The following PRKCZ variants were observed in gnomAD, a reference collection of about 807,000 sequenced individuals.
PRKCZ encodes the protein protein kinase C zeta, also known as protein kinase C zeta type.
In PRKCZ, 33 loss-of-function variants were observed where a neutral mutation model predicts 79.5. That is an observed-to-expected ratio of 0.41 (90% CI 0.31 to 0.55). PRKCZ has a LOEUF of 0.55. PRKCZ is among the 20% of genes least tolerant of loss of function. PRKCZ has a pLI of 0.19. For missense variants in PRKCZ, 578 were observed against 813.5 expected (o/e 0.71, Z 3.52); for synonymous variants, 342 against 320.9 (o/e 1.07, Z -0.70).
chr1:2,061,349 C>T (rs1259845030), intron 4 of PRKCZ, among the ~76,000 whole-genome samples: 7 of 151,160 alleles, frequency 4.6e-5, no homozygotes, highest in East Asian at 2.0e-4. Context: ...GACAACCTGC[C>T]GGCCTTGCGT....
In PRKCZ at chr1:2,169,266, C is replaced by T. The variant is rs893290605; in HGVS notation, c.975-252C>T. The T allele has an allele frequency of 9.3e-6, 5 of 534,858 alleles. No homozygotes were observed. The East Asian group carries it at 1.8e-4, about 19-fold the overall frequency. 33.1% of individuals were successfully genotyped at this position (534,858 alleles called of 1,614,324 possible). On this transcript the variant is annotated intron_variant, in intron 10 of 17. Transcript: ENST00000378567. ...CCCACCCACACTTCCCAAGTCCACA[C>T]ACAGTGGCCAAGAGTGAAGGCCGGC...
At chr1:2,141,713 C>A in intron 5 of PRKCZ, 1 of 161,530 alleles carries the variant, frequency 6.2e-6, no homozygotes, top group South Asian at 1.4e-4. Context: ...CGTAGTGTTG[C>A]AGAGTAAGAT....
Position 2,111,051 on chromosome 1 carries a change from C to T in PRKCZ, c.335-24211C>T, listed in dbSNP as rs1669648390. On this transcript the variant is annotated intron_variant, in intron 4 of 17. Coordinates refer to ENST00000378567, the MANE Select transcript of PRKCZ (RefSeq NM_002744.6). ...ACCCAGGCCAGTTCACACAGCATGGCGAGGTAAGGGCTCAGGATGGAAGGC... is the reference window on the plus strand; with the variant it reads ...ACCCAGGCCAGTTCACACAGCATGGTGAGGTAAGGGCTCAGGATGGAAGGC... 3.9e-5 allele frequency among the ~76,000 whole-genome samples: 6 copies of T among 152,178 alleles called. No individual in the cohort carries two copies. In the South Asian group the frequency reaches 1.2e-3, roughly 32 times the overall value.
Position 2,174,215 on chromosome 1 carries a change from T to C in PRKCZ, c.1405+199T>C, listed in dbSNP as rs1685011371. On this transcript the variant is annotated intron_variant, in intron 14 of 17. Coordinates refer to ENST00000378567, the MANE Select transcript of PRKCZ (RefSeq NM_002744.6). This position sits in a 1 kb window ranked among gnomAD's most constrained non-coding sequence, Gnocchi z 6.2. Reference sequence around the variant, plus strand: ...GGGGTGGGGTTACCACACCTGTGGGTCAGCAGGAAAGAGAACCTGTCCCCA... The same window carrying C: ...GGGGTGGGGTTACCACACCTGTGGGCCAGCAGGAAAGAGAACCTGTCCCCA... Among the ~76,000 whole-genome samples, 1 of 152,092 alleles carries C rather than the reference T, an allele frequency of 6.6e-6. No individual in the cohort carries two copies. The highest frequency in any genetic ancestry group is 2.4e-5 in the African/African-American group (1 of 41,406).
intron 11 of PRKCZ, chr1:2,171,778 G>A (rs1684485864): frequency 1.6e-5 from 7 of 437,242 alleles, no homozygotes; most frequent in South Asian, 3.0e-5. Flanking sequence ...GGAAGCTGTC[G>A]TGTTATTTGC....
chr1:2,168,795 C>G lies in PRKCZ; in HGVS notation c.975-723C>G, dbSNP rs1401021073. 1 of 198,094 alleles carries G rather than the reference C, an allele frequency of 5.0e-6. No individual in the cohort carries two copies. Among genetic ancestry groups the G allele is most frequent in the Non-Finnish European group, 1.1e-5 (1 of 94,040 alleles). The allele number at this position is 198,094 out of a possible 1,614,324, so 12.3% of individuals were successfully genotyped here. Reference sequence around the variant, plus strand: ...AACAATTCAGGTGCCAGAGGAGCCGCTGACCTAAAAAAACCCGCCACAGGG... The same window carrying G: ...AACAATTCAGGTGCCAGAGGAGCCGGTGACCTAAAAAAACCCGCCACAGGG... On this transcript the variant is annotated intron_variant, in intron 10 of 17. Transcript: ENST00000378567. This position sits in a 1 kb window ranked among gnomAD's most constrained non-coding sequence, Gnocchi z 4.7.
At position 2,082,494 on chromosome 1, in the gene PRKCZ, C is replaced by CCAA. The variant is rs1268010872; in HGVS notation, c.334+22904_334+22905insAAC. ...AAGATCACGTCCGCGTTCCTAGCGA[C>CCAA]CGGTTTTGTGATGTGGGCAGTGCCG... is the stretch of plus-strand genomic sequence containing the variant. On this transcript the variant is annotated intron_variant, in intron 4 of 17. Coordinates refer to ENST00000378567, the MANE Select transcript of PRKCZ (RefSeq NM_002744.6). The surrounding 1 kb of genome is among the most constrained non-coding windows in gnomAD (Gnocchi z 4.4). 1 of 445,236 alleles carries CCAA rather than the reference C, an allele frequency of 2.2e-6. No homozygotes were observed. Among genetic ancestry groups the CCAA allele is most frequent in the South Asian group, 1.6e-5 (1 of 62,442 alleles). The allele number at this position is 445,236 out of a possible 1,614,324, so 27.6% of individuals were successfully genotyped here.
At chr1:2,118,729 G>GTGTA (rs1415675755) in intron 4 of PRKCZ, among the ~76,000 whole-genome samples, 2 of 147,404 alleles carry the variant, frequency 1.4e-5, no homozygotes, top group Non-Finnish European at 3.0e-5. Context: ...GTGTGTGTGT[G>GTGTA]TGTGTGTGTG....
intron 10 of PRKCZ, among the ~76,000 whole-genome samples, chr1:2,161,781 A>G (rs985650197): frequency 6.6e-6 from 1 of 152,040 alleles, no homozygotes; most frequent in East Asian, 1.9e-4. Flanking sequence ...CGAACGTCCC[A>G]TGCCACTGCG....
At position 2,168,009 on chromosome 1, in the gene PRKCZ, G is replaced by C. The variant is rs563574471; in HGVS notation, c.975-1509G>C. Among the ~76,000 whole-genome samples the C allele has an allele frequency of 3.9e-5, 6 of 152,190 alleles. No homozygotes were observed. The highest frequency in any genetic ancestry group is 1.4e-4 in the African/African-American group (6 of 41,444). ...GGAGGCCTTCATGGAGCTTCGTTCC[G>C]TGGGGTTGACGTTACTGAACGAGTC... On this transcript the variant is annotated intron_variant, in intron 10 of 17. Transcript: ENST00000378567. This position sits in a 1 kb window ranked among gnomAD's most constrained non-coding sequence, Gnocchi z 4.7.
At chr1:2,050,179 A>AGCCGC (rs1281504800), upstream of PRKCZ, 1 of 152,078 alleles carries the variant, frequency 6.6e-6, no homozygotes, top group Non-Finnish European at 1.5e-5. Flanking sequence ...TGCCGGGCAG[A>AGCCGC]GCCGCGCCGC....
chr1:2,122,070 ACGG>A (rs1372368560), intron 4 of PRKCZ, among the ~76,000 whole-genome samples: 7 of 68,342 alleles, frequency 1.0e-4, no homozygotes, highest in Admixed American at 3.5e-4. Flanking sequence ...GGTTAGGGTC[ACGG>A]TGGTAGTTAG....
In PRKCZ at chr1:2,149,169, G is replaced by C. The variant is rs1679332212; in HGVS notation, c.687+245G>C. ...GTGGTCTGGGGACCACACCCTGCGGGGGAAGCCGTGCCCCACATCCTCTCC... is the reference window on the plus strand; with the variant it reads ...GTGGTCTGGGGACCACACCCTGCGGCGGAAGCCGTGCCCCACATCCTCTCC... On this transcript the variant is annotated intron_variant, in intron 8 of 17. Transcript: ENST00000378567. This position sits in a 1 kb window ranked among gnomAD's most constrained non-coding sequence, Gnocchi z 4.1. Among the ~76,000 whole-genome samples, 1 of 152,220 alleles carries C rather than the reference G, an allele frequency of 6.6e-6. No individual in the cohort carries two copies. Among genetic ancestry groups the C allele is most frequent in the Non-Finnish European group, 1.5e-5 (1 of 68,034 alleles).
In PRKCZ at chr1:2,173,818, GA is replaced by G; in HGVS notation, c.1286-75del. The G allele has an allele frequency of 6.6e-7, 1 of 1,505,928 alleles. No individual in the cohort carries two copies. Among genetic ancestry groups the G allele is most frequent in the Non-Finnish European group, 8.9e-7 (1 of 1,123,548 alleles). 93.3% of individuals were successfully genotyped at this position (1,505,928 alleles called of 1,614,324 possible). ...GCTCACACTCGTGTCAACTGGGCAT[GA>G]AAACCAACGCCAGCCAGGTTCGTCC... On this transcript the variant is annotated intron_variant, in intron 13 of 17. Transcript: ENST00000378567. The surrounding 1 kb of genome is among the most constrained non-coding windows in gnomAD (Gnocchi z 5.7).
intron 4 of PRKCZ, among the ~76,000 whole-genome samples, chr1:2,115,331 G>A (rs559279753): frequency 3.5e-4 from 54 of 152,232 alleles, no homozygotes; most frequent in Non-Finnish European, 6.2e-4. Context: ...ACATCCGAGC[G>A]CCTTCTGTTG....
In PRKCZ at chr1:2,182,566, C is replaced by T. The variant is rs574432480; in HGVS notation, c.1576-2017C>T. 4 of 154,934 alleles carry T rather than the reference C, an allele frequency of 2.6e-5. No homozygotes were observed. The South Asian group carries it at 6.1e-4, about 24-fold the overall frequency. The allele number at this position is 154,934 out of a possible 1,614,324, so 9.6% of individuals were successfully genotyped here. A position where few individuals can be genotyped will look rare whatever the true frequency, so the allele number is the denominator to read the frequency against. The stretch of plus-strand genomic sequence containing the variant: ...GGCGGCTGCTGGGTGCCCTGTGATC[C>T]ACCCGCGAGCTGGGCTGTTCGGCTT... On this transcript the variant is annotated intron_variant, in intron 16 of 17. Coordinates refer to ENST00000378567, the MANE Select transcript of PRKCZ (RefSeq NM_002744.6).
chr1:2,144,140 A>C, intron 5 of PRKCZ, 70 bp from the exon 6 acceptor site: 1 of 1,524,544 alleles, frequency 6.6e-7, no homozygotes, highest in Non-Finnish European at 8.9e-7. Context: ...ATAGGTGTGG[A>C]AGGCCCTGCC....
Position 2,050,529 on chromosome 1 carries a change from G to C in PRKCZ, c.-102G>C. ...CGGGTCGGCGCCGTCGGTCCTGAGC[G>C]CTGCCTTCCGCGTTCCGCCGCGGCC... On this transcript the variant is annotated 5_prime_UTR_variant, in exon 1 of 18. Transcript: ENST00000378567. The C allele has an allele frequency of 1.4e-6, 1 of 711,854 alleles. No individual in the cohort carries two copies. 44.1% of individuals were successfully genotyped at this position (711,854 alleles called of 1,614,324 possible).
intron 4 of PRKCZ, among the ~76,000 whole-genome samples, chr1:2,073,246 C>T (rs1661779380): frequency 6.6e-6 from 1 of 152,152 alleles, no homozygotes; most frequent in African/African-American, 2.4e-5. Flanking sequence ...TTCCTGCCCC[C>T]CAGTGCCCAC....
Sources: allele counts gnomAD v4.1 joint callset (sites outside exome capture counted in the v4.1 genomes callset), GRCh38; gene constraint gnomAD v4.1.1; non-coding constraint Gnocchi (gnomAD v3.1); transcripts MANE v1.5; gene names NCBI Gene and HGNC (gene_info 2026-07-23, HGNC 2026-07-21).